Variants in AGBL1 observed in about 807,000 individuals in gnomAD.
The protein encoded by AGBL1 is AGBL carboxypeptidase 1.
Under a neutral mutation model 118.9 loss-of-function variants are expected in AGBL1, and 130 were observed. The ratio of observed to expected loss-of-function variants is 1.09; its 90% CI spans 0.95 to 1.26. The LOEUF (loss-of-function observed/expected upper bound fraction) is 1.26, where lower values mean the gene tolerates loss of function less well. AGBL1 is among the 50% of genes most tolerant of loss of function. AGBL1 has a pLI of 0.00. For synonymous variants in AGBL1, 555 were observed against 478.9 expected (o/e 1.16, Z -2.08); for missense variants, 1,584 against 1,298.1 (o/e 1.22, Z -3.38).
intron 1 of AGBL1, among the ~76,000 whole-genome samples, chr15:86,089,297 G>T (rs1265272874): frequency 6.6e-6 from 1 of 152,174 alleles, no homozygotes; most frequent in Admixed American, 6.5e-5. Context: ...GAAACCCAGG[G>T]TCATTCCTCT....
chr15:86,451,693 T>C (rs1349715916), intron 18 of AGBL1, among the ~76,000 whole-genome samples: 2 of 152,140 alleles, frequency 1.3e-5, no homozygotes, highest in Non-Finnish European at 2.9e-5. Context: ...CCATTTTCCA[T>C]TACCTACCAG....
chr15:86,319,742 AGTTTTTTTTTTTT>A (rs2080074080), intron 17 of AGBL1, among the ~76,000 whole-genome samples: 3 of 46,668 alleles, frequency 6.4e-5, no homozygotes, highest in Non-Finnish European at 8.3e-5. Flanking sequence ...CCTCTTTGGT[AGTTTTTTTTTTTT>A]TTTTTTTTTT....
intron 18 of AGBL1, among the ~76,000 whole-genome samples, chr15:86,440,671 A>G (rs967770879): frequency 2.8e-4 from 43 of 152,096 alleles, no homozygotes; most frequent in African/African-American, 8.9e-4. Context: ...TTCGTGAATG[A>G]TATCATTGAA....
At chr15:86,811,344 G>A (rs1270314491) in intron 22 of AGBL1, among the ~76,000 whole-genome samples, 6 of 152,310 alleles carry the variant, frequency 3.9e-5, no homozygotes, top group Admixed American at 3.9e-4. Flanking sequence ...ACAGTCAGAA[G>A]GCTACTGGAA....
rs371835594 is a variant in AGBL1, at chr15:86,171,289, A to T, written c.488+12263A>T. On this transcript the variant is annotated intron_variant, in intron 5 of 22. Transcript: ENST00000614907. ...CTCTTTAAAAATAGCTAAGTATTTA[A>T]ATAAAGGTAATCTCAATGTAGTCTG... Among the ~76,000 whole-genome samples the T allele has an allele frequency of 1.6e-4, 24 of 152,330 alleles. No homozygotes were observed. The East Asian group carries it at 4.1e-3, about 26-fold the overall frequency.
At chr15:86,851,486 G>A (rs2079406220) in intron 22 of AGBL1, among the ~76,000 whole-genome samples, 1 of 152,136 alleles carries the variant, frequency 6.6e-6, no homozygotes, top group Non-Finnish European at 1.5e-5. Context: ...TGTTTGAAAT[G>A]GTAAGATATA....
intron 9 of AGBL1, 163 bp from the exon 10 acceptor site, chr15:86,262,615 A>G (rs2079010763): frequency 1.5e-6 from 1 of 687,284 alleles, no homozygotes; most frequent in South Asian, 1.5e-5. Flanking sequence ...TTTTAAAAAT[A>G]CAATCCAGCA....
chr15:86,311,014 C>T (rs890157920), intron 17 of AGBL1, among the ~76,000 whole-genome samples: 5 of 152,282 alleles, frequency 3.3e-5, no homozygotes, highest in Non-Finnish European at 5.9e-5. Context: ...GTGGGCCCCG[C>T]GCTTCACTCC....
intron 3 of AGBL1, among the ~76,000 whole-genome samples, chr15:86,145,384 G>A (rs1296695232): frequency 6.6e-6 from 1 of 152,188 alleles, no homozygotes; most frequent in Non-Finnish European, 1.5e-5. Context: ...AACTCTAGAA[G>A]TTCTTGGAGC....
At chr15:86,387,785 A>G (rs1026195340) in intron 17 of AGBL1, among the ~76,000 whole-genome samples, 3 of 152,308 alleles carry the variant, frequency 2.0e-5, no homozygotes, top group South Asian at 4.1e-4. Context: ...GAGTAGGACC[A>G]TCAGAATCTC....
At chr15:86,769,220 A>AGAGT (rs2078139344) in intron 22 of AGBL1, among the ~76,000 whole-genome samples, 1 of 151,614 alleles carries the variant, frequency 6.6e-6, no homozygotes, top group African/African-American at 2.4e-5. Flanking sequence ...AGAGAGAGAG[A>AGAGT]GAGAGGAAAG....
chr15:86,635,338 CTACTCCTCT>C (rs1179734741), intron 21 of AGBL1, among the ~76,000 whole-genome samples: 1 of 100,668 alleles, frequency 9.9e-6, no homozygotes, highest in African/African-American at 3.8e-5. Flanking sequence ...CCTCCTCCTC[CTACTCCTCT>C]TACTCCTCCT....
chr15:86,300,119 T>A (rs1367822935), intron 17 of AGBL1, among the ~76,000 whole-genome samples: 1 of 152,126 alleles, frequency 6.6e-6, no homozygotes, highest in Non-Finnish European at 1.5e-5. Context: ...TCAAACATAT[T>A]CCCAGATACC....
intron 21 of AGBL1, among the ~76,000 whole-genome samples, chr15:86,645,176 G>T (rs2085257492): frequency 1.3e-5 from 2 of 152,140 alleles, no homozygotes; most frequent in Non-Finnish European, 1.5e-5. Context: ...TTATATAGAA[G>T]AATATTCTTG....
chr15:86,282,912 G>C (rs2079377853), intron 16 of AGBL1, among the ~76,000 whole-genome samples: 1 of 152,086 alleles, frequency 6.6e-6, no homozygotes, highest in Admixed American at 6.5e-5. Context: ...CATAGGACTT[G>C]TATGTTGAAT....
intron 17 of AGBL1, among the ~76,000 whole-genome samples, chr15:86,377,664 A>G (rs2141954590): frequency 6.6e-6 from 1 of 152,288 alleles, no homozygotes; most frequent in South Asian, 2.1e-4. Context: ...CTAGTACATT[A>G]ATCTAAGGCA....
intron 22 of AGBL1, among the ~76,000 whole-genome samples, chr15:86,762,307 C>A (rs928593023): frequency 6.6e-6 from 1 of 151,904 alleles, no homozygotes; most frequent in Non-Finnish European, 1.5e-5. Flanking sequence ...GTGCAGTAAA[C>A]CACCATGGCA....
At chr15:86,453,519 T>G (rs1429675837) in intron 18 of AGBL1, among the ~76,000 whole-genome samples, 1 of 152,224 alleles carries the variant, frequency 6.6e-6, no homozygotes, top group East Asian at 1.9e-4. Flanking sequence ...TTTTGGTAGC[T>G]TGATGGAGGC....
chr15:86,650,186 T>C lies in AGBL1; in HGVS notation c.2995-24087T>C, dbSNP rs555620374. On this transcript the variant is annotated intron_variant, in intron 21 of 22. Transcript: ENST00000614907. Reference sequence around the variant, plus strand: ...ACTCTCTTCTCCCATTCTTCATTAGTAACAGAATCCCTTTCCCTGTTTTTA... The same window carrying C: ...ACTCTCTTCTCCCATTCTTCATTAGCAACAGAATCCCTTTCCCTGTTTTTA... 5.9e-5 allele frequency among the ~76,000 whole-genome samples: 9 copies of C among 152,334 alleles called. No individual in the cohort carries two copies. In the South Asian group the frequency reaches 1.9e-3, roughly 32 times the overall value.
Sources: allele counts gnomAD v4.1 joint callset (sites outside exome capture counted in the v4.1 genomes callset), GRCh38; gene constraint gnomAD v4.1.1; transcripts MANE v1.5; gene names NCBI Gene and HGNC (gene_info 2026-07-23, HGNC 2026-07-21).